Variants in PCDHA2 observed in about 807,000 individuals in gnomAD.
PCDHA2 encodes protocadherin alpha 2.
In PCDHA2, 58 loss-of-function variants were observed where a neutral mutation model predicts 66.0. The observed-to-expected ratio is 0.88, with a 90% CI of 0.71 to 1.09. The LOEUF is 1.09. PCDHA2 is among the 50% of genes least tolerant of loss of function. The pLI is 0.00. For missense variants in PCDHA2, 1,267 were observed against 1,242.3 expected, an observed-to-expected ratio of 1.02 and a Z score of -0.30; for synonymous variants, 634 against 554.0, an observed-to-expected ratio of 1.14 and a Z score of -2.03.
At chr5:140,890,141 C>T (rs573390664) in intron 1 of PCDHA2, among the ~76,000 whole-genome samples, 6 of 152,182 alleles carry the variant, frequency 3.9e-5, no homozygotes, top group African/African-American at 1.4e-4. Context: ...TGAAATTGGC[C>T]ATGGTAGGAG....
chr5:140,969,351 G>A (rs1554231714), intron 1 of PCDHA2: 1 of 1,612,990 alleles, frequency 6.2e-7, no homozygotes, highest in Non-Finnish European at 8.5e-7. Flanking sequence ...TGGTCAGGGG[G>A]TCTTCTACAA....
rs79233681 is a variant in PCDHA2 at position 140,965,822 on chromosome 5, A to T, written c.2389-13127A>T. Among the ~76,000 whole-genome samples the T allele has an allele frequency of 5.2e-3, 789 of 152,324 alleles. 9 individuals are homozygous for T. The highest frequency in any genetic ancestry group is 0.018 in the African/African-American group (747 of 41,576). On this transcript the variant is annotated intron_variant, in intron 1 of 3. Coordinates refer to ENST00000526136, the MANE Select transcript of PCDHA2 (RefSeq NM_018905.3). The stretch of plus-strand genomic sequence containing the variant: ...TTTTTTTAAACAGAGCATTTTAAAC[A>T]TTTAAATATTGGTTATTTGCCAAGG...
intron 3 of PCDHA2, among the ~76,000 whole-genome samples, chr5:140,987,294 C>A (rs1406567852): frequency 6.6e-6 from 1 of 152,004 alleles, no homozygotes; most frequent in Non-Finnish European, 1.5e-5. Context: ...AACAAGCCTT[C>A]TATGTGATAC....
At chr5:140,818,365 T>C (rs2150101023) in intron 1 of PCDHA2, among the ~76,000 whole-genome samples, 1 of 152,372 alleles carries the variant, frequency 6.6e-6, no homozygotes, top group South Asian at 2.1e-4. Flanking sequence ...GATTGAATTC[T>C]TAACTTGAAT....
chr5:140,823,421 C>A (rs2150125700), intron 1 of PCDHA2: 2 of 1,613,278 alleles, frequency 1.2e-6, no homozygotes, highest in South Asian at 1.1e-5. Context: ...AGCAACGTGA[C>A]GCTGCAGGTG....
chr5:140,977,345 T>C lies in PCDHA2; in HGVS notation c.2389-1604T>C, dbSNP rs139865600. Among the ~76,000 whole-genome samples, 25 of 152,342 alleles carry C rather than the reference T, an allele frequency of 1.6e-4. No homozygotes were observed. In the East Asian group the frequency reaches 4.8e-3, roughly 29 times the overall value. ...ATGGCGAGGGGAGAGACGGTGATGATGACTGATTGATAAAAAGTATTTTAG... is the reference window on the plus strand; with the variant it reads ...ATGGCGAGGGGAGAGACGGTGATGACGACTGATTGATAAAAAGTATTTTAG... On this transcript the variant is annotated intron_variant, in intron 1 of 3. Transcript: ENST00000526136.
rs572043416 is a variant in PCDHA2 at position 140,803,675 on chromosome 5, G to A, written c.2388+6323G>A. On this transcript the variant is annotated intron_variant, in intron 1 of 3. Coordinates refer to ENST00000526136, the MANE Select transcript of PCDHA2 (RefSeq NM_018905.3). ...CCACTCCTCTGGAAATACATTAATA[G>A]TTAAGTATGAATTATGTGATTCATA... 16 of 1,592,166 alleles carry A rather than the reference G, an allele frequency of 1.0e-5. No homozygotes were observed. In the African/African-American group the frequency reaches 1.9e-4, roughly 19 times the overall value.
intron 1 of PCDHA2, among the ~76,000 whole-genome samples, chr5:140,931,965 CAT>C (rs1195736359): frequency 6.6e-6 from 1 of 151,852 alleles, no homozygotes; most frequent in African/African-American, 2.4e-5. Context: ...CATGTTGATG[CAT>C]ATGTGTTTAT....
At chr5:140,829,079 A>G (rs1770100550) in intron 1 of PCDHA2, 1 of 1,611,828 alleles carries the variant, frequency 6.2e-7, no homozygotes, top group South Asian at 1.1e-5. Context: ...CCATCCTCCC[A>G]TGGCGGGTCA....
chr5:140,841,477 G>A (rs2150316212), intron 1 of PCDHA2: 10 of 1,612,988 alleles, frequency 6.2e-6, no homozygotes, highest in African/African-American at 4.0e-5. Flanking sequence ...CGCAGGACCT[G>A]GGGCTGGAGC....
In PCDHA2 at chr5:140,915,351, C is replaced by G. The variant is rs75854979; in HGVS notation, c.2389-63598C>G. Among the ~76,000 whole-genome samples, 843 of 152,202 alleles carry G rather than the reference C, an allele frequency of 5.5e-3. 10 individuals carry two copies. Among genetic ancestry groups the G allele is most frequent in the African/African-American group, 0.019 (796 of 41,530 alleles). On this transcript the variant is annotated intron_variant, in intron 1 of 3. Coordinates refer to ENST00000526136, the MANE Select transcript of PCDHA2 (RefSeq NM_018905.3). ...TAATATTCTGTGTTTTTCTGTATGC[C>G]TATTCTTACCAGTAAGTGTCTCGGC...
At chr5:140,884,549 G>C (rs782470468) in intron 1 of PCDHA2, 2 of 1,614,016 alleles carry the variant, frequency 1.2e-6, no homozygotes, top group Non-Finnish European at 1.7e-6. Flanking sequence ...GGTGTGCTCT[G>C]GGGAGGGCCC....
rs782449118 is a variant in PCDHA2, at chr5:140,796,738, G to T, written c.1774G>T (p.Ala592Ser). The change falls in exon 1 of 4, where the codon GCG becomes TCG. Residue 592 changes from alanine (A) to serine (S), a missense_variant. Transcript: ENST00000526136. ...PWSVGAGHVV[A>S]KVRAVDADSG... ...GTCGGTGGGTGCAGGGCACGTGGTGGCGAAGGTGCGCGCAGTGGACGCTGA... is the reference window on the plus strand; with the variant it reads ...GTCGGTGGGTGCAGGGCACGTGGTGTCGAAGGTGCGCGCAGTGGACGCTGA... 7.4e-6 allele frequency: 12 copies of T among 1,614,000 alleles called. No individual in the cohort carries two copies. The Middle Eastern group carries it at 4.9e-4, about 66-fold the overall frequency.
intron 1 of PCDHA2, among the ~76,000 whole-genome samples, chr5:140,952,097 G>A (rs1385693579): frequency 1.3e-5 from 2 of 152,066 alleles, no homozygotes; most frequent in East Asian, 3.9e-4. Context: ...CACATCCAGG[G>A]CACACTCGTG....
chr5:140,805,493 A>G (rs1021980575), intron 1 of PCDHA2: 16 of 991,492 alleles, frequency 1.6e-5, no homozygotes, highest in South Asian at 9.3e-5. Context: ...GCGTAAAGCT[A>G]TTTTCACTAG....
chr5:140,853,239 A>G (rs2150529987), intron 1 of PCDHA2: 14 of 978,474 alleles, frequency 1.4e-5, no homozygotes, highest in Middle Eastern at 5.3e-4. Flanking sequence ...AGTCCTTCAT[A>G]TTAATCTCTA....
At chr5:140,809,586 AT>A in intron 1 of PCDHA2, 1 of 1,544,520 alleles carries the variant, frequency 6.5e-7, no homozygotes, top group Non-Finnish European at 8.7e-7. Flanking sequence ...AGTGTATAAC[AT>A]CCTTTTGTTT....
At chr5:140,834,244 CT>C in intron 1 of PCDHA2, 1 of 863,716 alleles carries the variant, frequency 1.2e-6, no homozygotes, top group East Asian at 2.5e-5. Flanking sequence ...CCTTTTCGCA[CT>C]GGAAAGACGC....
intron 1 of PCDHA2, chr5:140,821,992 C>T (rs2150112812): frequency 1.2e-6 from 2 of 1,614,186 alleles, no homozygotes; most frequent in East Asian, 2.2e-5. Flanking sequence ...CCGCGGGGAC[C>T]TTCTGGAGGT....
Sources: allele counts gnomAD v4.1 joint callset (sites outside exome capture counted in the v4.1 genomes callset), GRCh38; gene constraint gnomAD v4.1.1; transcripts MANE v1.5; gene names NCBI Gene and HGNC (gene_info 2026-07-23, HGNC 2026-07-21).